The following PPM1K variants were observed in gnomAD, a reference collection of about 807,000 sequenced individuals.
PPM1K encodes the protein protein phosphatase Mn(2+)-dependent 1K.
A neutral mutation model predicts 32.6 loss-of-function variants in PPM1K; 19 were observed. The ratio of observed to expected loss-of-function variants is 0.58; its 90% CI spans 0.41 to 0.86. The LOEUF (loss-of-function observed/expected upper bound fraction) is 0.86, where lower values mean the gene tolerates loss of function less well. PPM1K is among the 40% of genes least tolerant of loss of function. The pLI, the probability that PPM1K is intolerant of heterozygous loss-of-function variation, is 0.00. For synonymous variants in PPM1K, 159 were observed against 165.3 expected, an observed-to-expected ratio of 0.96 and a Z score of 0.29; for missense variants, 362 against 461.2, an observed-to-expected ratio of 0.78 and a Z score of 1.97.
intron 5 of PPM1K, 89 bp downstream of exon 5, chr4:88,268,101 T>C: frequency 7.2e-7 from 1 of 1,395,064 alleles, no homozygotes; most frequent in Non-Finnish European, 9.8e-7. Context: ...CATTTTGGCT[T>C]CAGTTAAGGC....
Position 88,278,313 on chromosome 4 carries a change from T to A in PPM1K, c.271A>T (p.Ser91Cys), listed in dbSNP as rs755249019. 6.2e-7 allele frequency: 1 copy of A among 1,614,202 alleles called. No homozygotes were observed. The highest frequency in any genetic ancestry group is 8.5e-7 in the Non-Finnish European group (1 of 1,180,042). ...GAGGCGCACCCCACATTTTCCAAGC[T>A]GATTTTGGGAATTGGCTTGCCATAC... Reference protein sequence around the residue: ...IKYGKPIPKISLENVGCASQI... With the variant: ...IKYGKPIPKICLENVGCASQI... The change falls in exon 2 of 7, where the codon AGC (serine) becomes TGC (cysteine). Residue 91 changes from serine to cysteine, a missense_variant. Coordinates refer to ENST00000608933, the MANE Select transcript of PPM1K (RefSeq NM_152542.5). This position sits in a 1 kb window ranked among gnomAD's most constrained non-coding sequence, Gnocchi z 4.2.
chr4:88,282,617 G>A (rs1357583161), intron 1 of PPM1K, among the ~76,000 whole-genome samples: 1 of 152,172 alleles, frequency 6.6e-6, no homozygotes, highest in Non-Finnish European at 1.5e-5. Flanking sequence ...CCTGCTAGGA[G>A]GAAGGGAAAG....
intron 3 of PPM1K, chr4:88,275,391 A>C: frequency 1.0e-6 from 1 of 980,996 alleles, no homozygotes; most frequent in East Asian, 1.1e-4. Context: ...AGTTTCTTTT[A>C]AGATAGGCAA....
In PPM1K at chr4:88,262,533, T is replaced by C; in HGVS notation, c.*62A>G. 6.3e-7 allele frequency: 1 copy of C among 1,583,268 alleles called. No individual in the cohort carries two copies. The highest frequency in any genetic ancestry group is 1.2e-5 in the South Asian group (1 of 85,510). ...GAGTTAGGAGACCTTTTTGATCTTA[T>C]CAGTTTCTTGACATGCTCAGTGAAA... On this transcript the variant is annotated 3_prime_UTR_variant, in exon 7 of 7. Coordinates refer to ENST00000608933, the MANE Select transcript of PPM1K (RefSeq NM_152542.5).
chr4:88,264,146 G>A (rs868296527), intron 6 of PPM1K, among the ~76,000 whole-genome samples: 4 of 152,146 alleles, frequency 2.6e-5, no homozygotes, highest in Admixed American at 6.5e-5. Context: ...TGTTTAGCAC[G>A]GGTGAAGGCA....
intron 1 of PPM1K, 158 bp downstream of exon 1, chr4:88,284,248 C>A: frequency 6.6e-6 from 1 of 152,474 alleles, no homozygotes; most frequent in Non-Finnish European, 1.5e-5. Context: ...AGGCCGCCGG[C>A]CAAGCGCCGA....
chr4:88,280,063 CAAAA>C (rs1731949403), intron 1 of PPM1K, among the ~76,000 whole-genome samples: 1 of 152,000 alleles, frequency 6.6e-6, no homozygotes. Context: ...GTAAAACAGT[CAAAA>C]GAAAGAATGA....
At chr4:88,271,807 A>T (rs543743278) in intron 3 of PPM1K, among the ~76,000 whole-genome samples, 1 of 152,358 alleles carries the variant, frequency 6.6e-6, no homozygotes, top group South Asian at 2.1e-4. Context: ...CCGCTATACA[A>T]GATACATAGA....
intron 5 of PPM1K, among the ~76,000 whole-genome samples, chr4:88,265,504 G>A (rs1731270373): frequency 6.6e-6 from 1 of 152,176 alleles, no homozygotes. Context: ...CACCATGATT[G>A]TGTGGCCTCT....
chr4:88,282,081 A>G (rs1029630734), intron 1 of PPM1K, among the ~76,000 whole-genome samples: 2 of 152,210 alleles, frequency 1.3e-5, no homozygotes, highest in African/African-American at 4.8e-5. Context: ...GGATGAGTTC[A>G]TTATTCCACA....
intron 1 of PPM1K, 190 bp downstream of exon 1, chr4:88,284,216 G>A (rs1372303313): frequency 6.6e-6 from 1 of 152,222 alleles, no homozygotes; most frequent in Non-Finnish European, 1.5e-5. Context: ...AGGGAAGAAA[G>A]CGACGCTCTG....
chr4:88,282,530 C>T (rs1210998598), intron 1 of PPM1K, among the ~76,000 whole-genome samples: 1 of 152,158 alleles, frequency 6.6e-6, no homozygotes, highest in Non-Finnish European at 1.5e-5. Flanking sequence ...TAAGGCATCC[C>T]AGTAAATTCA....
intron 3 of PPM1K, among the ~76,000 whole-genome samples, chr4:88,271,355 G>T (rs1012433937): frequency 1.3e-5 from 2 of 152,162 alleles, no homozygotes; most frequent in Non-Finnish European, 2.9e-5. Context: ...AATATTCCAG[G>T]AGATGCCAAA....
intron 3 of PPM1K, chr4:88,276,128 G>A: frequency 1.0e-6 from 1 of 985,326 alleles, no homozygotes; most frequent in Non-Finnish European, 1.2e-6. Context: ...TAATGCTGGT[G>A]GTCAGGAAAA....
Position 88,268,238 on chromosome 4 carries a change from G to T in PPM1K, c.804C>A (p.Asp268Glu). The change falls in exon 5 of 7, where the codon GAC becomes GAA. Residue 268 changes from aspartate to glutamate, a missense_variant. Physicochemically the swap from Asp to Glu is conservative, Grantham distance 45. Coordinates refer to ENST00000608933, the MANE Select transcript of PPM1K (RefSeq NM_152542.5). ...CTGCTATGACACCACTGGTCTTAAG[G>T]TCCAAATCTCCAATACTTCTTGTCA... Reference protein sequence around the residue: ...LAMTRSIGDLDLKTSGVIAEP... With the variant: ...LAMTRSIGDLELKTSGVIAEP... 1 of 1,614,064 alleles carries T rather than the reference G, an allele frequency of 6.2e-7. No homozygotes were observed. The highest frequency in any genetic ancestry group is 1.1e-5 in the South Asian group (1 of 91,082).
At position 88,278,130 on chromosome 4, in the gene PPM1K, G is replaced by A; in HGVS notation, c.440+14C>T. On this transcript the variant is annotated intron_variant, in intron 2 of 6. Coordinates refer to ENST00000608933, the MANE Select transcript of PPM1K (RefSeq NM_152542.5). This position sits in a 1 kb window ranked among gnomAD's most constrained non-coding sequence, Gnocchi z 4.2. ...AGGAACTGCAAAGTCAGGAGTGAAA[G>A]TCATTGTACATACATAATACATTTC... The A allele has an allele frequency of 6.3e-7, 1 of 1,599,780 alleles. No homozygotes were observed. The highest frequency in any genetic ancestry group is 8.6e-7 in the Non-Finnish European group (1 of 1,169,156).
rs1190203948 is a variant in PPM1K, at chr4:88,266,571, T to C, written c.853-1436A>G. 9.7e-5 allele frequency among the ~76,000 whole-genome samples: 13 copies of C among 134,180 alleles called. 1 individual carries two copies. In the South Asian group the frequency reaches 1.0e-3, roughly 10 times the overall value. 88.0% of individuals were successfully genotyped at this position (134,180 alleles called of 152,430 possible). ...ACTGCGTGCAGGTGATGCTAGCTGATTGGGTGCAGGTGATGCTGGCTGACT... is the reference window on the plus strand; with the variant it reads ...ACTGCGTGCAGGTGATGCTAGCTGACTGGGTGCAGGTGATGCTGGCTGACT... On this transcript the variant is annotated intron_variant, in intron 5 of 6. Transcript: ENST00000608933.
In PPM1K at chr4:88,278,119, C is replaced by T. The variant is rs772224845; in HGVS notation, c.440+25G>A. The T allele has an allele frequency of 4.2e-5, 66 of 1,587,328 alleles. No homozygotes were observed. The highest frequency in any genetic ancestry group is 1.7e-4 in the Middle Eastern group (1 of 5,780). On this transcript the variant is annotated intron_variant, in intron 2 of 6. Transcript: ENST00000608933. The surrounding 1 kb of genome is among the most constrained non-coding windows in gnomAD (Gnocchi z 4.2). ...GTAGGAAGTATAGGAACTGCAAAGT[C>T]AGGAGTGAAAGTCATTGTACATACA...
chr4:88,260,956 A>G lies in PPM1K; in HGVS notation c.*1639T>C, dbSNP rs1002802065. The stretch of plus-strand genomic sequence containing the variant: ...TGCTGATAATCACTGGGTCTCCACT[A>G]TAAGAAAATTGCCCCTAGTTTGTCA... On this transcript the variant is annotated 3_prime_UTR_variant, in exon 7 of 7. Coordinates refer to ENST00000608933, the MANE Select transcript of PPM1K (RefSeq NM_152542.5). The G allele has an allele frequency of 2.0e-5, 3 of 152,206 alleles. No individual in the cohort carries two copies. Among genetic ancestry groups the G allele is most frequent in the African/African-American group, 7.2e-5 (3 of 41,450 alleles). The allele number at this position is 152,206 out of a possible 1,614,324, so 9.4% of individuals were successfully genotyped here. A position where few individuals can be genotyped will look rare whatever the true frequency, so the allele number is the denominator to read the frequency against.
Sources: allele counts gnomAD v4.1 joint callset (sites outside exome capture counted in the v4.1 genomes callset), GRCh38; gene constraint gnomAD v4.1.1; non-coding constraint Gnocchi (gnomAD v3.1); transcripts MANE v1.5; gene names NCBI Gene and HGNC (gene_info 2026-07-23, HGNC 2026-07-21).